YIPF4: variants seen among roughly 807,000 people sequenced by gnomAD.
The protein encoded by YIPF4 is Yip1 domain family member 4, also known as protein YIPF4.
Under a neutral mutation model 29.4 loss-of-function variants are expected in YIPF4, and 18 were observed. The ratio of observed to expected loss-of-function variants is 0.61; its 90% CI spans 0.42 to 0.91. YIPF4 has a LOEUF of 0.91. Ranked by LOEUF, YIPF4 falls within the 40% of genes least tolerant of loss-of-function variation. The pLI is 0.00. For synonymous variants in YIPF4, 115 were observed against 104.7 expected (o/e 1.10, Z -0.60); for missense variants, 279 against 282.7 (o/e 0.99, Z 0.09).
chr2:32,285,813 AC>A (rs1219520752), intron 1 of YIPF4, among the ~76,000 whole-genome samples: 2 of 151,682 alleles, frequency 1.3e-5, no homozygotes, highest in East Asian at 3.9e-4. Flanking sequence ...TCGCCACCGC[AC>A]CCGGCTAATT....
rs1472555359 is a variant in YIPF4, at chr2:32,311,539, A to G, written c.*5913A>G. 6.6e-6 allele frequency: 1 copy of G among 152,226 alleles called. No individual in the cohort carries two copies. The highest frequency in any genetic ancestry group is 6.5e-5 in the Admixed American group (1 of 15,272). 9.4% of individuals were successfully genotyped at this position (152,226 alleles called of 1,614,324 possible). On this transcript the variant is annotated 3_prime_UTR_variant, in exon 6 of 6. Coordinates refer to ENST00000238831, the MANE Select transcript of YIPF4 (RefSeq NM_032312.4). The stretch of plus-strand genomic sequence containing the variant: ...GAAGATGTTTGGTTTATAGTAGTCC[A>G]TGCTATACTAATGCTGTTGCTGAGA...
At chr2:32,293,069 TTTA>T (rs1425606005) in intron 3 of YIPF4, among the ~76,000 whole-genome samples, 1 of 146,468 alleles carries the variant, frequency 6.8e-6, no homozygotes, top group Non-Finnish European at 1.5e-5. Context: ...TTTTTTTATT[TTTA>T]TTTATTTATT....
At chr2:32,298,380 C>A in intron 4 of YIPF4, 69 bp downstream of exon 4, 1 of 1,146,686 alleles carries the variant, frequency 8.7e-7, no homozygotes, top group Non-Finnish European at 1.3e-6. Flanking sequence ...CTGCAGATAT[C>A]ATCATTAGCT....
At chr2:32,279,225 C>T (rs1441417762) in intron 1 of YIPF4, among the ~76,000 whole-genome samples, 1 of 151,994 alleles carries the variant, frequency 6.6e-6, no homozygotes, top group African/African-American at 2.4e-5. Context: ...CCCGCCTCGG[C>T]CTCCCAAAGT....
intron 3 of YIPF4, among the ~76,000 whole-genome samples, chr2:32,293,918 C>G (rs1316680488): frequency 2.9e-5 from 4 of 139,178 alleles, no homozygotes; most frequent in African/African-American, 8.2e-5. Flanking sequence ...CCCTCCCGGA[C>G]GGGGCGGCTG....
chr2:32,280,524 G>A (rs899932620), intron 1 of YIPF4, among the ~76,000 whole-genome samples: 1 of 150,898 alleles, frequency 6.6e-6, no homozygotes, highest in Non-Finnish European at 1.5e-5. Context: ...GACTACAGGC[G>A]CCCGGCACCA....
chr2:32,289,161 CTGAG>C (rs1243526243), intron 1 of YIPF4, among the ~76,000 whole-genome samples: 1 of 152,124 alleles, frequency 6.6e-6, no homozygotes, highest in African/African-American at 2.4e-5. Context: ...TATTTTATCT[CTGAG>C]TGAGCGCCTT....
Position 32,312,741 on chromosome 2 carries a change from C to G in YIPF4, c.*7115C>G, listed in dbSNP as rs2031740039. On this transcript the variant is annotated 3_prime_UTR_variant, in exon 6 of 6. Coordinates refer to ENST00000238831, the MANE Select transcript of YIPF4 (RefSeq NM_032312.4). Reference sequence around the variant, plus strand: ...GGCGCGGTGGCTCACGCCTGCAATCCCAGCACTTTGGGAGACCGAGGCGGG... The same window carrying G: ...GGCGCGGTGGCTCACGCCTGCAATCGCAGCACTTTGGGAGACCGAGGCGGG... 1.3e-5 allele frequency: 2 copies of G among 152,580 alleles called. No homozygotes were observed. Among genetic ancestry groups the G allele is most frequent in the Non-Finnish European group, 2.9e-5 (2 of 68,522 alleles). The allele number at this position is 152,580 out of a possible 1,614,324, so 9.5% of individuals were successfully genotyped here.
intron 5 of YIPF4, among the ~76,000 whole-genome samples, chr2:32,303,777 T>G (rs187781873): frequency 6.6e-6 from 1 of 152,344 alleles, no homozygotes; most frequent in Admixed American, 6.5e-5. Context: ...AGTATAACCC[T>G]AAAGCCTTTT....
At position 32,288,032 on chromosome 2, in the gene YIPF4, G is replaced by A. The variant is rs534034176; in HGVS notation, c.80-2451G>A. 3.1e-4 allele frequency among the ~76,000 whole-genome samples: 47 copies of A among 152,180 alleles called. No individual in the cohort carries two copies. In the South Asian group the frequency reaches 9.1e-3, roughly 30 times the overall value. ...TTTAAATTAAATCAGCCATGCTCCTGGAGTAATTTTTAATTGTTTTTCTTG... is the reference window on the plus strand; with the variant it reads ...TTTAAATTAAATCAGCCATGCTCCTAGAGTAATTTTTAATTGTTTTTCTTG... On this transcript the variant is annotated intron_variant, in intron 1 of 5. Coordinates refer to ENST00000238831, the MANE Select transcript of YIPF4 (RefSeq NM_032312.4).
At chr2:32,301,554 G>C in intron 5 of YIPF4, 59 bp downstream of exon 5, 1 of 1,157,750 alleles carries the variant, frequency 8.6e-7, no homozygotes, top group African/African-American at 1.5e-5. Flanking sequence ...AAGTATACTA[G>C]GCCTCTAGCT....
chr2:32,306,371 T>G lies in YIPF4; in HGVS notation c.*745T>G, dbSNP rs1414283013. ...GATTTAAAGTTTCTGTTTATCTTTC[T>G]GACCAAAGGAGCAAGAGGTATAATG... On this transcript the variant is annotated 3_prime_UTR_variant, in exon 6 of 6. Coordinates refer to ENST00000238831, the MANE Select transcript of YIPF4 (RefSeq NM_032312.4). 1 of 985,672 alleles carries G rather than the reference T, an allele frequency of 1.0e-6. No individual in the cohort carries two copies. The highest frequency in any genetic ancestry group is 6.2e-5 in the Admixed American group (1 of 16,246). 61.1% of individuals were successfully genotyped at this position (985,672 alleles called of 1,614,324 possible). A position where few individuals can be genotyped will look rare whatever the true frequency, so the allele number is the denominator to read the frequency against.
intron 3 of YIPF4, among the ~76,000 whole-genome samples, chr2:32,295,795 G>A (rs1381173700): frequency 6.6e-6 from 1 of 152,092 alleles, no homozygotes; most frequent in Non-Finnish European, 1.5e-5. Flanking sequence ...TAGAGAGGGG[G>A]TTTCACCATG....
intron 3 of YIPF4, among the ~76,000 whole-genome samples, chr2:32,292,955 A>G (rs1295665970): frequency 6.6e-6 from 1 of 151,620 alleles, no homozygotes; most frequent in African/African-American, 2.4e-5. Flanking sequence ...AGAAGTCACT[A>G]GAAGGTGCAC....
At chr2:32,292,147 CT>C (rs2030946019) in intron 2 of YIPF4, 29 bp from the exon 3 acceptor site, 1 of 1,361,714 alleles carries the variant, frequency 7.3e-7, no homozygotes, top group Non-Finnish European at 9.6e-7. Flanking sequence ...AAATGTGTGC[CT>C]TTTGAGAATT....
chr2:32,294,775 C>A (rs1051049886), intron 3 of YIPF4, among the ~76,000 whole-genome samples: 1 of 152,192 alleles, frequency 6.6e-6, no homozygotes, highest in African/African-American at 2.4e-5. Context: ...AGCCTGGGCA[C>A]CATTGAGCAC....
chr2:32,287,580 G>T (rs766916366), intron 1 of YIPF4, among the ~76,000 whole-genome samples: 1 of 152,202 alleles, frequency 6.6e-6, no homozygotes, highest in Admixed American at 6.5e-5. Context: ...TTCATCTTCA[G>T]TGTACTATCA....
At chr2:32,283,828 C>T (rs895944864) in intron 1 of YIPF4, among the ~76,000 whole-genome samples, 2 of 151,846 alleles carry the variant, frequency 1.3e-5, no homozygotes, top group African/African-American at 4.8e-5. Flanking sequence ...AGCAATTCTC[C>T]TGCCTCAGCC....
intron 1 of YIPF4, among the ~76,000 whole-genome samples, chr2:32,282,631 A>G (rs1573524256): frequency 6.6e-6 from 1 of 151,808 alleles, no homozygotes; most frequent in South Asian, 2.1e-4. Flanking sequence ...ACGGGGTTTC[A>G]CCACATTGGC....
Sources: allele counts gnomAD v4.1 joint callset (sites outside exome capture counted in the v4.1 genomes callset), GRCh38; gene constraint gnomAD v4.1.1; transcripts MANE v1.5; gene names NCBI Gene and HGNC (gene_info 2026-07-23, HGNC 2026-07-21).